The following LRRC1 variants were observed in gnomAD, a reference collection of about 807,000 sequenced individuals.
LRRC1 encodes the protein leucine rich repeat containing 1.
Under a neutral mutation model 69.9 loss-of-function variants are expected in LRRC1, and 28 were observed. The ratio of observed to expected loss-of-function variants is 0.40; its 90% CI spans 0.30 to 0.55. The LOEUF is 0.55. Ranked by LOEUF, LRRC1 falls within the 20% of genes least tolerant of loss-of-function variation. The pLI, the probability that LRRC1 is intolerant of heterozygous loss-of-function variation, is 0.47. For missense variants in LRRC1, 498 were observed against 609.0 expected, an observed-to-expected ratio of 0.82 and a Z score of 1.92; for synonymous variants, 236 against 240.2, an observed-to-expected ratio of 0.98 and a Z score of 0.16.
intron 1 of LRRC1, among the ~76,000 whole-genome samples, chr6:53,800,944 A>G (rs1764467358): frequency 6.6e-6 from 1 of 152,216 alleles, no homozygotes; most frequent in East Asian, 1.9e-4. Context: ...TTGGCCAATA[A>G]TACATTTTTT....
At chr6:53,876,109 T>G (rs1767059514) in intron 2 of LRRC1, among the ~76,000 whole-genome samples, 1 of 152,116 alleles carries the variant, frequency 6.6e-6, no homozygotes, top group Admixed American at 6.6e-5. Flanking sequence ...GACTCACAGT[T>G]CCATCTGACT....
chr6:53,873,324 C>T (rs1179896144), intron 2 of LRRC1, among the ~76,000 whole-genome samples: 4 of 147,770 alleles, frequency 2.7e-5, no homozygotes, highest in African/African-American at 1.0e-4. Context: ...CAGAGTCTCA[C>T]TCTGTTGCCC....
At chr6:53,908,927 A>G (rs1383034935) in intron 10 of LRRC1, among the ~76,000 whole-genome samples, 2 of 152,240 alleles carry the variant, frequency 1.3e-5, no homozygotes, top group Admixed American at 1.3e-4. Context: ...AATAATGCCA[A>G]ATTTTGGCAA....
At chr6:53,891,050 T>A (rs1267430412) in intron 4 of LRRC1, among the ~76,000 whole-genome samples, 1 of 152,192 alleles carries the variant, frequency 6.6e-6, no homozygotes, top group Admixed American at 6.5e-5. Flanking sequence ...ATCCTAAAAA[T>A]ACAGTTGGCC....
intron 2 of LRRC1, among the ~76,000 whole-genome samples, chr6:53,863,494 T>C (rs1169088618): frequency 6.6e-6 from 1 of 152,220 alleles, no homozygotes; most frequent in Non-Finnish European, 1.5e-5. Context: ...CTCTGAAGTC[T>C]TTATGTTCAA....
At chr6:53,824,368 C>T (rs1400394471) in intron 1 of LRRC1, among the ~76,000 whole-genome samples, 1 of 151,934 alleles carries the variant, frequency 6.6e-6, no homozygotes, top group African/African-American at 2.4e-5. Context: ...GTTTACACTC[C>T]TTGTAGATGC....
In LRRC1 at chr6:53,831,268, A is replaced by G. The variant is rs1765420812; in HGVS notation, c.160-10842A>G. ...TTACATAGTCAATCCAGTTCACATG[A>G]CTTCTTTGTAAATGCAAAAAGCCAA... On this transcript the variant is annotated intron_variant, in intron 1 of 13. Transcript: ENST00000370888. 1.3e-5 allele frequency among the ~76,000 whole-genome samples: 2 copies of G among 152,122 alleles called. 1 individual carries two copies. Among genetic ancestry groups the G allele is most frequent in the South Asian group, 4.1e-4 (2 of 4,830 alleles).
chr6:53,884,177 C>G (rs1424573091), intron 4 of LRRC1: 1 of 586,376 alleles, frequency 1.7e-6, no homozygotes, highest in Non-Finnish European at 3.0e-6. Context: ...GTACAATTCA[C>G]TTTTGCTGTA....
intron 2 of LRRC1, among the ~76,000 whole-genome samples, chr6:53,873,440 C>T (rs1273706493): frequency 4.0e-5 from 6 of 149,724 alleles, no homozygotes; most frequent in Non-Finnish European, 8.9e-5. Context: ...CACAGGTATC[C>T]GCCACCACGC....
Position 53,795,055 on chromosome 6 carries a change from G to C in LRRC1, c.-202G>C. Reference sequence around the variant, plus strand: ...TGGAGGCACCGGCTGGCGGGCGGGGGTACAGGGACGGGGCAGGGGCTCCCG... The same window carrying C: ...TGGAGGCACCGGCTGGCGGGCGGGGCTACAGGGACGGGGCAGGGGCTCCCG... On this transcript the variant is annotated 5_prime_UTR_variant, in exon 1 of 14. Transcript: ENST00000370888. 1 of 465,006 alleles carries C rather than the reference G, an allele frequency of 2.2e-6. No individual in the cohort carries two copies. Among genetic ancestry groups the C allele is most frequent in the Admixed American group, 4.2e-5 (1 of 23,688 alleles). 28.8% of individuals were successfully genotyped at this position (465,006 alleles called of 1,614,324 possible).
At chr6:53,907,284 C>T (rs182508573) in intron 10 of LRRC1, among the ~76,000 whole-genome samples, 1 of 152,268 alleles carries the variant, frequency 6.6e-6, no homozygotes, top group Non-Finnish European at 1.5e-5. Context: ...TGCCAAAAAT[C>T]CATAGTAGTA....
intron 1 of LRRC1, among the ~76,000 whole-genome samples, chr6:53,816,717 C>T (rs984810396): frequency 3.1e-4 from 15 of 47,700 alleles, no homozygotes; most frequent in African/African-American, 8.0e-4. Context: ...TCAAAATAAC[C>T]CCATGGAGGG....
intron 2 of LRRC1, among the ~76,000 whole-genome samples, chr6:53,849,909 A>G (rs1294491615): frequency 6.6e-6 from 1 of 152,132 alleles, no homozygotes; most frequent in Non-Finnish European, 1.5e-5. Flanking sequence ...ATGAGCTATG[A>G]TTATGCCACT....
intron 1 of LRRC1, among the ~76,000 whole-genome samples, chr6:53,810,464 CA>C (rs541254707): frequency 1.8e-4 from 28 of 152,042 alleles, no homozygotes; most frequent in African/African-American, 6.3e-4. Context: ...ACTAAAAATA[CA>C]AAAAATTAGC....
At chr6:53,862,056 A>C (rs1426918535) in intron 2 of LRRC1, among the ~76,000 whole-genome samples, 1 of 152,168 alleles carries the variant, frequency 6.6e-6, no homozygotes, top group African/African-American at 2.4e-5. Flanking sequence ...CTTCAGAGAA[A>C]GTTAAAGACT....
At chr6:53,902,209 G>A (rs944955978) in intron 8 of LRRC1, among the ~76,000 whole-genome samples, 1 of 152,158 alleles carries the variant, frequency 6.6e-6, no homozygotes, top group East Asian at 1.9e-4. Flanking sequence ...ATACCGCACT[G>A]TAGGGATCTT....
At chr6:53,805,647 A>G (rs1764616217) in intron 1 of LRRC1, among the ~76,000 whole-genome samples, 2 of 152,186 alleles carry the variant, frequency 1.3e-5, no homozygotes, top group South Asian at 2.1e-4. Context: ...AATAGTCCCT[A>G]CCTCATGAAG....
At chr6:53,878,925 C>A in intron 2 of LRRC1, 68 bp from the exon 3 acceptor site, 3 of 852,740 alleles carry the variant, frequency 3.5e-6, no homozygotes, top group Middle Eastern at 5.6e-4. Context: ...TGAGTGTGAT[C>A]CATCTTGAGA....
At position 53,924,023 on chromosome 6, in the gene LRRC1, G is replaced by A. The variant is rs1461441373; in HGVS notation, c.*1230G>A. ...TCTGTTGATTTCTTTTTTGTATGCT[G>A]TGATAAAAGAGAAATGAAAAGTGCC... On this transcript the variant is annotated 3_prime_UTR_variant, in exon 14 of 14. Transcript: ENST00000370888. The A allele has an allele frequency of 6.6e-6, 1 of 152,610 alleles. No homozygotes were observed. The highest frequency in any genetic ancestry group is 1.5e-5 in the Non-Finnish European group (1 of 68,040). 9.5% of individuals were successfully genotyped at this position (152,610 alleles called of 1,614,324 possible).
Sources: gnomAD v4.1 joint callset for allele counts (sites outside exome capture counted in the v4.1 genomes callset) on GRCh38, gnomAD v4.1.1 for gene constraint, MANE v1.5 for transcripts, NCBI Gene and HGNC (gene_info 2026-07-23, HGNC 2026-07-21) for gene names.